The following MCM8 variants were observed in gnomAD, a reference collection of about 807,000 sequenced individuals.
The protein encoded by MCM8 is minichromosome maintenance 8 homologous recombination repair factor.
Under a neutral mutation model 98.9 loss-of-function variants are expected in MCM8, and 85 were observed. That is an observed-to-expected ratio of 0.86 (90% CI 0.72 to 1.03). The LOEUF (loss-of-function observed/expected upper bound fraction) is 1.03, where lower values mean the gene tolerates loss of function less well. MCM8 is among the 50% of genes least tolerant of loss of function. The probability of loss-of-function intolerance (pLI) is 0.00; values close to 1 mark genes in which losing one functional copy is unlikely to be tolerated. For missense variants in MCM8, 951 were observed against 997.8 expected (o/e 0.95, Z 0.63); for synonymous variants, 352 against 338.6 (o/e 1.04, Z -0.44).
chr20:5,963,766 G>T (rs914959390), intron 8 of MCM8, among the ~76,000 whole-genome samples: 1 of 152,076 alleles, frequency 6.6e-6, no homozygotes, highest in Non-Finnish European at 1.5e-5. Flanking sequence ...TTGATTTCCT[G>T]ACCTCGTGAT....
intron 12 of MCM8, 59 bp from the exon 13 acceptor site, chr20:5,977,817 T>C: frequency 6.3e-7 from 1 of 1,585,628 alleles, no homozygotes; most frequent in Non-Finnish European, 8.6e-7. Flanking sequence ...GAGCAACTGC[T>C]GTTAGCTATT....
Position 5,952,428 on chromosome 20 carries a change from A to G in MCM8, c.153A>G (p.Gln51=), listed in dbSNP as rs2088856647. Residue 51 remains glutamine (Q), a synonymous_variant, in exon 3 of 19, where the codon CAA becomes CAG. Coordinates refer to ENST00000610722, the MANE Select transcript of MCM8 (RefSeq NM_032485.6). ...SKTTGKRTSE[Q]TPQFLLSTKT... is the part of the protein sequence containing the mutation. ...CTAGTATTTTATTTTTTTCAGAACAAACCCCACAGTTTTTGCTTTCAACAA... is the reference window on the plus strand; with the variant it reads ...CTAGTATTTTATTTTTTTCAGAACAGACCCCACAGTTTTTGCTTTCAACAA... 4 of 1,613,664 alleles carry G rather than the reference A, an allele frequency of 2.5e-6. No individual in the cohort carries two copies. The South Asian group carries it at 4.4e-5, about 18-fold the overall frequency.
intron 10 of MCM8, 43 bp downstream of exon 10, chr20:5,968,068 T>C: frequency 6.5e-7 from 1 of 1,540,048 alleles, no homozygotes; most frequent in Non-Finnish European, 8.8e-7. Flanking sequence ...TAGATGCATG[T>C]TGGGGGTTCT....
rs1378703096 is a variant in MCM8 at position 5,997,039 on chromosome 20, C to T, written c.*2648C>T. On this transcript the variant is annotated 3_prime_UTR_variant, in exon 19 of 19. Transcript: ENST00000610722. ...GGCCTGGTGTGGCATGGCACGCCCT[C>T]TTGGGAGATGAAAGTAATCTTCCAT... 1.3e-5 allele frequency: 2 copies of T among 152,360 alleles called. No individual in the cohort carries two copies. The allele number at this position is 152,360 out of a possible 1,614,324, so 9.4% of individuals were successfully genotyped here. A position where few individuals can be genotyped will look rare whatever the true frequency, so the allele number is the denominator to read the frequency against.
intron 10 of MCM8, 85 bp downstream of exon 10, chr20:5,968,110 A>G: frequency 8.7e-7 from 1 of 1,150,540 alleles, no homozygotes; most frequent in Non-Finnish European, 1.3e-6. Flanking sequence ...ACTAGTCAAA[A>G]TGGTCGGCAA....
rs1342436339 is a variant in MCM8, at chr20:5,960,082, C to T, written c.789+1356C>T. On this transcript the variant is annotated intron_variant, in intron 7 of 18. Coordinates refer to ENST00000610722, the MANE Select transcript of MCM8 (RefSeq NM_032485.6). ...TGTTAAGTAGTTACCATTTCTCTGT[C>T]TTTTCATTAACACTTGGTATTGTTA... is the stretch of plus-strand genomic sequence containing the variant. 5.9e-5 allele frequency among the ~76,000 whole-genome samples: 9 copies of T among 152,270 alleles called. No individual in the cohort carries two copies. In the East Asian group the frequency reaches 1.7e-3, roughly 29 times the overall value.
rs1386465131 is a variant in MCM8, at chr20:5,967,421, A to G, written c.876-15A>G. 5.0e-6 allele frequency: 8 copies of G among 1,610,752 alleles called. No homozygotes were observed. The African/African-American group carries it at 9.3e-5, about 19-fold the overall frequency. The stretch of plus-strand genomic sequence containing the variant: ...AAAGTAAGTATTCTAACTGAAAACT[A>G]TTTAAACTTTTTAGAATCCAGGAAT... On this transcript the variant is annotated splice_polypyrimidine_tract_variant and intron_variant, in intron 8 of 18. Transcript: ENST00000610722.
chr20:5,954,636 G>C lies in MCM8; in HGVS notation c.282G>C (p.Glu94Asp). The change falls in exon 4 of 19, where the codon GAG becomes GAC. Residue 94 changes from glutamate (E) to aspartate (D), a missense_variant. Glu to Asp is a conservative substitution (Grantham distance 45, BLOSUM62 2). Coordinates refer to ENST00000610722, the MANE Select transcript of MCM8 (RefSeq NM_032485.6). ...ACAGCGATAGCTCTCCTTTGATTGA[G>C]AAGATTCAAGCATTTGAAAAATTTT... ...EVYSDSSPLIEKIQAFEKFFT... is the reference protein window; with the variant it reads ...EVYSDSSPLIDKIQAFEKFFT... 1 of 1,610,440 alleles carries C rather than the reference G, an allele frequency of 6.2e-7. No individual in the cohort carries two copies. The highest frequency in any genetic ancestry group is 8.5e-7 in the Non-Finnish European group (1 of 1,177,072).
rs1214983969 is a variant in MCM8, at chr20:5,995,463, TC to T, written c.*1075del. 2 of 152,184 alleles carry T rather than the reference TC, an allele frequency of 1.3e-5. No individual in the cohort carries two copies. The highest frequency in any genetic ancestry group is 1.3e-4 in the Admixed American group (2 of 15,274). The allele number at this position is 152,184 out of a possible 1,614,324, so 9.4% of individuals were successfully genotyped here. A position where few individuals can be genotyped will look rare whatever the true frequency, so the allele number is the denominator to read the frequency against. On this transcript the variant is annotated 3_prime_UTR_variant, in exon 19 of 19. Transcript: ENST00000610722. ...GGCACTGGAAGAAAGTGCTGCTGCC[TC>T]CCTGCCCCACCTTTGCCACTTCTGC...
At chr20:5,965,149 A>G (rs528230132) in intron 8 of MCM8, 1 of 152,380 alleles carries the variant, frequency 6.6e-6, no homozygotes, top group African/African-American at 2.4e-5. Context: ...AACAATAAAC[A>G]GGCATTTACA....
intron 10 of MCM8, among the ~76,000 whole-genome samples, chr20:5,970,813 C>T (rs1278512268): frequency 6.6e-6 from 1 of 152,004 alleles, no homozygotes; most frequent in Non-Finnish European, 1.5e-5. Flanking sequence ...TATTCTTTCT[C>T]TTAATTTTTT....
At position 5,997,892 on chromosome 20, in the gene MCM8, A is replaced by G. The variant is rs2089978997; in HGVS notation, c.*3501A>G. 6.6e-6 allele frequency: 1 copy of G among 152,156 alleles called. No individual in the cohort carries two copies. Among genetic ancestry groups the G allele is most frequent in the African/African-American group, 2.4e-5 (1 of 41,416 alleles). The allele number at this position is 152,156 out of a possible 1,614,324, so 9.4% of individuals were successfully genotyped here. A position where few individuals can be genotyped will look rare whatever the true frequency, so the allele number is the denominator to read the frequency against. On this transcript the variant is annotated 3_prime_UTR_variant, in exon 19 of 19. Transcript: ENST00000610722. ...CCATGCCCAGCCTCCTCTCTTTTCC[A>G]ATATTGTGTTAAGTAAATTGTATTG...
intron 17 of MCM8, among the ~76,000 whole-genome samples, chr20:5,990,052 A>G (rs754009357): frequency 6.6e-6 from 1 of 151,582 alleles, no homozygotes; most frequent in Non-Finnish European, 1.5e-5. Flanking sequence ...TCCTATTGGT[A>G]TGGCATCACA....
rs11470045 is a variant in MCM8 at position 5,953,438 on chromosome 20, G to GGTGT, written c.253+940_253+943dup. 6.9e-3 allele frequency among the ~76,000 whole-genome samples: 1,007 copies of GGTGT among 146,282 alleles called. 9 individuals are homozygous for GGTGT. The highest frequency in any genetic ancestry group is 0.02 in the African/African-American group (784 of 39,472). On this transcript the variant is annotated intron_variant, in intron 3 of 18. Transcript: ENST00000610722. ...CATTTGTTTCTTATGTCTCATGAGG[G>GGTGT]GTGTGTGTGTGTGTGTGTGTGTGTG...
At chr20:5,985,076 C>A in intron 15 of MCM8, 76 bp downstream of exon 15, 2 of 1,169,874 alleles carry the variant, frequency 1.7e-6, no homozygotes, top group Non-Finnish European at 2.4e-6. Flanking sequence ...TATTGTAGAG[C>A]AGTAGGATAC....
At chr20:5,970,318 G>C (rs2089375389) in intron 10 of MCM8, among the ~76,000 whole-genome samples, 1 of 152,198 alleles carries the variant, frequency 6.6e-6, no homozygotes, top group Non-Finnish European at 1.5e-5. Context: ...CAGAAGCAAT[G>C]ATTTGGATCA....
At chr20:5,976,392 T>G (rs1399516375) in intron 12 of MCM8, among the ~76,000 whole-genome samples, 1 of 152,154 alleles carries the variant, frequency 6.6e-6, no homozygotes, top group Non-Finnish European at 1.5e-5. Context: ...GAGTCCTTTA[T>G]TAGCCAGCGA....
At chr20:5,963,094 C>T (rs569848905) in intron 7 of MCM8, among the ~76,000 whole-genome samples, 180 bp from the exon 8 acceptor site, 44 of 152,136 alleles carry the variant, frequency 2.9e-4, no homozygotes, top group African/African-American at 1.0e-3. Flanking sequence ...CAAAAGCTGT[C>T]GATATTAAAT....
intron 7 of MCM8, among the ~76,000 whole-genome samples, chr20:5,961,391 G>A (rs902646423): frequency 6.6e-6 from 1 of 152,120 alleles, no homozygotes; most frequent in African/African-American, 2.4e-5. Flanking sequence ...TCATGTGAAG[G>A]GTTGAATCCT....
Sources: allele counts gnomAD v4.1 joint callset (sites outside exome capture counted in the v4.1 genomes callset), GRCh38; gene constraint gnomAD v4.1.1; transcripts MANE v1.5; gene names NCBI Gene and HGNC (gene_info 2026-07-23, HGNC 2026-07-21).